Variants in NELL2 observed in about 807,000 individuals in gnomAD.
The protein encoded by NELL2 is neural EGFL like 2.
In NELL2, 41 loss-of-function variants were observed where a neutral mutation model predicts 109.6. The ratio of observed to expected loss-of-function variants is 0.37; its 90% CI spans 0.29 to 0.49. The LOEUF (loss-of-function observed/expected upper bound fraction) is 0.49, where lower values mean the gene tolerates loss of function less well. Among genes scored for constraint, NELL2 ranks in the 20% least tolerant of loss-of-function variants. The pLI, the probability that NELL2 is intolerant of heterozygous loss-of-function variation, is 0.98. For synonymous variants in NELL2, 355 were observed against 344.7 expected (o/e 1.03, Z -0.33); for missense variants, 900 against 1,008.3 (o/e 0.89, Z 1.45).
At chr12:44,583,733 T>C (rs1167885358) in intron 15 of NELL2, among the ~76,000 whole-genome samples, 1 of 152,222 alleles carries the variant, frequency 6.6e-6, no homozygotes, top group African/African-American at 2.4e-5. Flanking sequence ...GTACAAGTGA[T>C]ACAGTTCCCC....
chr12:44,602,084 A>G (rs17649873), intron 15 of NELL2, among the ~76,000 whole-genome samples: 12,097 of 152,212 alleles, frequency 0.079, 565 homozygotes, highest in Non-Finnish European at 0.1. Flanking sequence ...CTTTGGTGAG[A>G]GTGCTTTTTG....
At chr12:44,663,191 G>A (rs1947809620) in intron 13 of NELL2, among the ~76,000 whole-genome samples, 1 of 151,872 alleles carries the variant, frequency 6.6e-6, no homozygotes, top group African/African-American at 2.4e-5. Context: ...GACATAAAAT[G>A]AAAACATGTA....
At chr12:44,914,853 ATT>A (rs57519881), upstream of NELL2, among the ~76,000 whole-genome samples, 3 of 146,850 alleles carry the variant, frequency 2.0e-5, no homozygotes, top group Non-Finnish European at 1.5e-5. Flanking sequence ...TAAAAAAGAA[ATT>A]TTTTTTTTTT....
chr12:44,802,443 C>CAT (rs143655222), intron 3 of NELL2, among the ~76,000 whole-genome samples: 2,198 of 151,974 alleles, frequency 0.014, 52 homozygotes, highest in African/African-American at 0.05. Flanking sequence ...TCTAATATAT[C>CAT]ATATATATAC....
At chr12:44,663,489 T>C (rs1308368417) in intron 13 of NELL2, among the ~76,000 whole-genome samples, 1 of 152,210 alleles carries the variant, frequency 6.6e-6, no homozygotes, top group Non-Finnish European at 1.5e-5. Context: ...CTGAGATTCT[T>C]GGCTCTGGTT....
At chr12:44,818,866 CCGAGTAGCTGGGACTACAGG>C (rs1485892666) in intron 2 of NELL2, among the ~76,000 whole-genome samples, 1 of 150,318 alleles carries the variant, frequency 6.7e-6, no homozygotes, top group East Asian at 2.0e-4. Flanking sequence ...CCTCAGCCTC[CCGAGTAGCTGGGACTACAGG>C]CGCCCGCCAC....
intron 10 of NELL2, among the ~76,000 whole-genome samples, chr12:44,713,638 G>A (rs1358445828): frequency 1.3e-5 from 2 of 151,916 alleles, no homozygotes; most frequent in East Asian, 1.9e-4. Context: ...TAATGGGCAT[G>A]AAGAAATCAG....
chr12:44,512,923 T>C (rs1393414950), intron 19 of NELL2, among the ~76,000 whole-genome samples: 3 of 151,990 alleles, frequency 2.0e-5, no homozygotes, highest in East Asian at 1.9e-4. Flanking sequence ...ATATAATTAA[T>C]AATAATTTAT....
At chr12:44,603,349 G>A (rs1364658606) in intron 15 of NELL2, among the ~76,000 whole-genome samples, 1 of 152,008 alleles carries the variant, frequency 6.6e-6, no homozygotes, top group East Asian at 1.9e-4. Context: ...GCTTGTAGGG[G>A]ACTGTCAAAT....
intron 15 of NELL2, among the ~76,000 whole-genome samples, chr12:44,591,186 A>G (rs1944735107): frequency 1.3e-5 from 2 of 152,202 alleles, no homozygotes; most frequent in South Asian, 4.1e-4. Flanking sequence ...GGGAATATAA[A>G]TTAGTACAGC....
At chr12:44,604,681 G>A (rs1288772984) in intron 15 of NELL2, among the ~76,000 whole-genome samples, 1 of 152,126 alleles carries the variant, frequency 6.6e-6, no homozygotes, top group Non-Finnish European at 1.5e-5. Context: ...AAGGACAAGA[G>A]GGTAAAGCTG....
At chr12:44,813,027 G>A (rs1055274006) in intron 3 of NELL2, among the ~76,000 whole-genome samples, 3 of 152,152 alleles carry the variant, frequency 2.0e-5, no homozygotes, top group Non-Finnish European at 2.9e-5. Context: ...ATGATTATGA[G>A]AGGTTTGTGA....
intron 2 of NELL2, among the ~76,000 whole-genome samples, chr12:44,829,802 A>C (rs1943830114): frequency 1.3e-5 from 2 of 152,040 alleles, no homozygotes. Flanking sequence ...GTTATTTCTT[A>C]AACACACATA....
At chr12:44,559,284 A>G (rs143565411) in intron 15 of NELL2, among the ~76,000 whole-genome samples, 5 of 150,330 alleles carry the variant, frequency 3.3e-5, no homozygotes, top group African/African-American at 1.2e-4. Context: ...TGGGCAAAAT[A>G]ACCAGCTAGC....
At chr12:44,660,772 G>A (rs1413717706) in intron 13 of NELL2, among the ~76,000 whole-genome samples, 1 of 151,838 alleles carries the variant, frequency 6.6e-6, no homozygotes, top group South Asian at 2.1e-4. Flanking sequence ...AGAGAGCAGA[G>A]AGAAATGTGA....
chr12:44,711,192 T>C (rs982236621), intron 11 of NELL2, 100 bp downstream of exon 11: 17 of 821,800 alleles, frequency 2.1e-5, no homozygotes, highest in African/African-American at 3.4e-5. Context: ...TATTAGTCTA[T>C]GGAAATAATT....
chr12:44,784,736 C>T (rs997352685), intron 3 of NELL2, among the ~76,000 whole-genome samples: 3 of 152,110 alleles, frequency 2.0e-5, no homozygotes, highest in African/African-American at 7.2e-5. Context: ...ATATGCATAT[C>T]AATAAATGGA....
chr12:44,844,284 C>T (rs1944308528), intron 2 of NELL2, among the ~76,000 whole-genome samples: 1 of 152,104 alleles, frequency 6.6e-6, no homozygotes, highest in Non-Finnish European at 1.5e-5. Flanking sequence ...ATTGGAAACA[C>T]TTATATGTCT....
intron 10 of NELL2, 24 bp from the exon 11 acceptor site, chr12:44,711,418 G>C (rs775697949): frequency 6.3e-7 from 1 of 1,575,354 alleles, no homozygotes; most frequent in South Asian, 1.1e-5. Flanking sequence ...GAAAAGAAGT[G>C]CTTCAAATTT....
Sources: allele counts gnomAD v4.1 joint callset (sites outside exome capture counted in the v4.1 genomes callset), GRCh38; gene constraint gnomAD v4.1.1; transcripts MANE v1.5; gene names NCBI Gene and HGNC (gene_info 2026-07-23, HGNC 2026-07-21).